PTPN1: variants seen among roughly 807,000 people sequenced by gnomAD.
PTPN1 encodes the protein protein tyrosine phosphatase non-receptor type 1.
In PTPN1, 12 loss-of-function variants were observed where a neutral mutation model predicts 59.9. That is an observed-to-expected ratio of 0.20 (90% CI 0.13 to 0.32). The LOEUF (loss-of-function observed/expected upper bound fraction) is 0.32, where lower values mean the gene tolerates loss of function less well. PTPN1 is among the 10% of genes least tolerant of loss of function. PTPN1 has a pLI of 1.00. For missense variants in PTPN1, 356 were observed against 549.2 expected (o/e 0.65, Z 3.52); for synonymous variants, 178 against 203.6 (o/e 0.87, Z 1.07).
At position 50,555,355 on chromosome 20, in the gene PTPN1, A is replaced by C. The variant is rs138641093; in HGVS notation, c.64-6008A>C. ...GAAAAAAATGTGAACAATACAAAGC[A>C]GACTGTGGTTGCCTTTGGTGGCAGT... On this transcript the variant is annotated intron_variant, in intron 1 of 9. Coordinates refer to ENST00000371621, the MANE Select transcript of PTPN1 (RefSeq NM_002827.4). 4.4e-3 allele frequency among the ~76,000 whole-genome samples: 674 copies of C among 152,360 alleles called. 2 individuals are homozygous for C. The highest frequency in any genetic ancestry group is 0.014 in the African/African-American group (581 of 41,582).
intron 1 of PTPN1, among the ~76,000 whole-genome samples, chr20:50,535,958 G>A (rs1330754221): frequency 6.6e-6 from 1 of 152,180 alleles, no homozygotes; most frequent in Non-Finnish European, 1.5e-5. Flanking sequence ...TGGGGAAAGG[G>A]AGGTATCAGT....
intron 1 of PTPN1, among the ~76,000 whole-genome samples, chr20:50,511,032 A>C (rs1340094444): frequency 6.6e-6 from 1 of 151,682 alleles, no homozygotes; most frequent in Non-Finnish European, 1.5e-5. Flanking sequence ...TCCCTCCTTC[A>C]CATTTCCTTT....
In PTPN1 at chr20:50,575,971, G is replaced by A. The variant is rs189465345; in HGVS notation, c.492+1317G>A. On this transcript the variant is annotated intron_variant, in intron 5 of 9. Coordinates refer to ENST00000371621, the MANE Select transcript of PTPN1 (RefSeq NM_002827.4). ...AAATAGTAGAAGTAAGATCTAGAAT[G>A]TAGCACAGGTTACCAGGACGTAGGC... Among the ~76,000 whole-genome samples, 586 of 152,264 alleles carry A rather than the reference G, an allele frequency of 3.8e-3. 4 individuals carry two copies. The highest frequency in any genetic ancestry group is 0.017 in the Admixed American group (260 of 15,292).
At chr20:50,547,212 C>T (rs567328825) in intron 1 of PTPN1, among the ~76,000 whole-genome samples, 4 of 152,052 alleles carry the variant, frequency 2.6e-5, no homozygotes, top group Admixed American at 6.5e-5. Flanking sequence ...GATTTAAAGT[C>T]GGGACACTTG....
At position 50,582,630 on chromosome 20, in the gene PTPN1, A is replaced by G; in HGVS notation, c.1285-62A>G. 1 of 1,591,784 alleles carries G rather than the reference A, an allele frequency of 6.3e-7. No individual in the cohort carries two copies. Among genetic ancestry groups the G allele is most frequent in the African/African-American group, 1.3e-5 (1 of 74,734 alleles). On this transcript the variant is annotated intron_variant, in intron 9 of 9. Coordinates refer to ENST00000371621, the MANE Select transcript of PTPN1 (RefSeq NM_002827.4). This position sits in a 1 kb window ranked among gnomAD's most constrained non-coding sequence, Gnocchi z 4.2. Reference sequence around the variant, plus strand: ...CCGGGGGGTGTGGCCGGGGTCATGCATGAGGCGACAGCTCTGCAGGTGCGG... The same window carrying G: ...CCGGGGGGTGTGGCCGGGGTCATGCGTGAGGCGACAGCTCTGCAGGTGCGG...
rs1162866631 is a variant in PTPN1 at position 50,553,391 on chromosome 20, C to G, written c.64-7972C>G. On this transcript the variant is annotated intron_variant, in intron 1 of 9. Coordinates refer to ENST00000371621, the MANE Select transcript of PTPN1 (RefSeq NM_002827.4). ...GAGCAGGGTACTAAGGATGAGCAGGCTATGACAGAAAGAACTCCAGAAATC... is the reference window on the plus strand; with the variant it reads ...GAGCAGGGTACTAAGGATGAGCAGGGTATGACAGAAAGAACTCCAGAAATC... Among the ~76,000 whole-genome samples the G allele has an allele frequency of 2.6e-5, 4 of 152,136 alleles. No individual in the cohort carries two copies. The East Asian group carries it at 7.7e-4, about 29-fold the overall frequency.
chr20:50,571,216 A>G (rs1031386963), intron 4 of PTPN1: 2 of 152,198 alleles, frequency 1.3e-5, no homozygotes, highest in Admixed American at 6.5e-5. Flanking sequence ...CACTGTGACA[A>G]CCTTTCCCTT....
In PTPN1 at chr20:50,581,302, G is replaced by C. The variant is rs769052153; in HGVS notation, c.1126G>C (p.Gly376Arg). 5.0e-6 allele frequency: 8 copies of C among 1,613,456 alleles called. No homozygotes were observed. The highest frequency in any genetic ancestry group is 6.8e-6 in the Non-Finnish European group (8 of 1,179,422). The change falls in exon 9 of 10, where the codon GGG becomes CGG. Residue 376 changes from glycine (G) to arginine (R), a missense_variant. Physicochemically the swap from Gly to Arg is moderately radical, Grantham distance 125. Around this residue, in one of 3 missense-constraint regions of PTPN1, gnomAD observed 62 missense variants for 97.2 expected, o/e 0.64. Transcript: ENST00000371621. Reference protein sequence around the residue: ...QDTEVRSRVVGGSLRGAQAAS... With the variant: ...QDTEVRSRVVRGSLRGAQAAS... ...CACTGAAGTTAGAAGTCGGGTCGTG[G>C]GGGGAAGTCTTCGAGGTGCCCAGGC...
chr20:50,562,399 ACCTAGACTTGGTGTAGAACGTGTG>A (rs1465891532), intron 2 of PTPN1, among the ~76,000 whole-genome samples: 5 of 152,154 alleles, frequency 3.3e-5, no homozygotes, highest in African/African-American at 1.2e-4. Flanking sequence ...CTAAAAATGG[ACCTAGACTTGGTGTAGAACGTGTG>A]CCTCTTGGCC....
At chr20:50,547,390 G>A (rs1363858876) in intron 1 of PTPN1, among the ~76,000 whole-genome samples, 1 of 150,958 alleles carries the variant, frequency 6.6e-6, no homozygotes, top group East Asian at 1.9e-4. Context: ...TTTTTTGAGA[G>A]TCTCGCTCTG....
intron 1 of PTPN1, among the ~76,000 whole-genome samples, chr20:50,548,571 G>A (rs2082686740): frequency 6.6e-6 from 1 of 152,006 alleles, no homozygotes; most frequent in Non-Finnish European, 1.5e-5. Context: ...GAATACAGGT[G>A]TGAGAGCCGC....
intron 4 of PTPN1, chr20:50,571,912 G>A (rs1276346554): frequency 5.3e-5 from 8 of 152,190 alleles, no homozygotes; most frequent in African/African-American, 1.9e-4. Flanking sequence ...GCTTTCAGGT[G>A]CTTTCATGCA....
intron 1 of PTPN1, among the ~76,000 whole-genome samples, chr20:50,552,130 G>A (rs746472361): frequency 2.8e-4 from 42 of 152,044 alleles, no homozygotes; most frequent in Non-Finnish European, 5.1e-4. Context: ...CAGAAATCTC[G>A]TTTTGCTGTT....
At chr20:50,544,657 C>G (rs193087974) in intron 1 of PTPN1, among the ~76,000 whole-genome samples, 1 of 152,164 alleles carries the variant, frequency 6.6e-6, no homozygotes, top group African/African-American at 2.4e-5. Context: ...ACTGGGCCAG[C>G]GGGGCTCAAA....
intron 1 of PTPN1, among the ~76,000 whole-genome samples, chr20:50,538,945 T>C (rs2082635959): frequency 6.6e-6 from 1 of 152,128 alleles, no homozygotes; most frequent in African/African-American, 2.4e-5. Flanking sequence ...ATAGCTGTAG[T>C]ATAGAGTGTT....
intron 1 of PTPN1, among the ~76,000 whole-genome samples, chr20:50,513,912 G>A (rs1169579626): frequency 5.3e-5 from 8 of 151,890 alleles, no homozygotes; most frequent in Non-Finnish European, 7.4e-5. Context: ...AAAGACTAAC[G>A]GAAATGACAT....
At chr20:50,581,485 T>G in intron 9 of PTPN1, 25 bp downstream of exon 9, 1 of 1,582,122 alleles carries the variant, frequency 6.3e-7, no homozygotes, top group Non-Finnish European at 8.7e-7. Context: ...ACAGACGCGC[T>G]GGCGAGATGC....
At chr20:50,552,354 T>C (rs979321823) in intron 1 of PTPN1, among the ~76,000 whole-genome samples, 1 of 152,254 alleles carries the variant, frequency 6.6e-6, no homozygotes, top group Admixed American at 6.5e-5. Context: ...AACTGATTTC[T>C]AATAAATTAT....
At chr20:50,532,843 C>T (rs956584826) in intron 1 of PTPN1, among the ~76,000 whole-genome samples, 6 of 152,020 alleles carry the variant, frequency 3.9e-5, no homozygotes, top group African/African-American at 1.2e-4. Context: ...TTTTGGAGTA[C>T]AGACTGGGTC....
Sources: allele counts gnomAD v4.1 joint callset (sites outside exome capture counted in the v4.1 genomes callset), GRCh38; gene constraint gnomAD v4.1.1; regional missense constraint gnomAD v4.1.1; non-coding constraint Gnocchi (gnomAD v3.1); transcripts MANE v1.5; gene names NCBI Gene and HGNC (gene_info 2026-07-23, HGNC 2026-07-21).